LINGO2: variants seen among roughly 807,000 people sequenced by gnomAD.
LINGO2 encodes the protein leucine rich repeat and Ig domain containing 2.
Under a neutral mutation model 30.6 loss-of-function variants are expected in LINGO2, and 14 were observed. The ratio of observed to expected loss-of-function variants is 0.46; its 90% confidence interval spans 0.30 to 0.72. The LOEUF (loss-of-function observed/expected upper bound fraction) is 0.72, where lower values mean the gene tolerates loss of function less well. Ranked by LOEUF, LINGO2 falls within the 30% of genes least tolerant of loss-of-function variation. The pLI, the probability that LINGO2 is intolerant of heterozygous loss-of-function variation, is 0.07. For synonymous variants in LINGO2, 317 were observed against 288.5 expected (o/e 1.10, Z -1.00); for missense variants, 729 against 751.7 (o/e 0.97, Z 0.35).
chr9:28,293,189 T>C (rs1434671697), intron 4 of LINGO2, among the ~76,000 whole-genome samples: 3 of 151,996 alleles, frequency 2.0e-5, no homozygotes, highest in Non-Finnish European at 2.9e-5. Flanking sequence ...CCTCCGACTC[T>C]TGGGCTCAAG....
upstream of LINGO2, among the ~76,000 whole-genome samples, chr9:28,674,754 G>C (rs998746790): frequency 6.6e-6 from 1 of 152,094 alleles, no homozygotes; most frequent in East Asian, 1.9e-4. Context: ...GACAACACAG[G>C]CTTTAACACA....
At chr9:28,312,561 T>G (rs1824671643) in intron 3 of LINGO2, among the ~76,000 whole-genome samples, 1 of 152,176 alleles carries the variant, frequency 6.6e-6, no homozygotes, top group Non-Finnish European at 1.5e-5. Context: ...GAGTACTGTG[T>G]AGTATCATAA....
At chr9:29,183,814 G>A in the LINGO2 span, among the ~76,000 whole-genome samples, 2 of 151,634 alleles carry the variant, frequency 1.3e-5, no homozygotes, top group South Asian at 4.2e-4. Flanking sequence ...ACAGAGAATA[G>A]CTGTTTGAGA....
At chr9:28,242,515 G>A (rs1821836754) in intron 4 of LINGO2, among the ~76,000 whole-genome samples, 1 of 152,158 alleles carries the variant, frequency 6.6e-6, no homozygotes, top group South Asian at 2.1e-4. Flanking sequence ...ACCTGAAAGA[G>A]ACAGGGTGAA....
the LINGO2 span, among the ~76,000 whole-genome samples, chr9:28,996,725 G>T: frequency 1.1e-3 from 165 of 152,272 alleles, no homozygotes; most frequent in African/African-American, 3.9e-3. Context: ...GAAGGGATTT[G>T]TAATGACCAT....
chr9:28,945,839 G>A, the LINGO2 span, among the ~76,000 whole-genome samples: 1 of 152,098 alleles, frequency 6.6e-6, no homozygotes, highest in Admixed American at 6.6e-5. Context: ...AAGATCTATT[G>A]CTTCTGGCAT....
rs112602549 is a variant in LINGO2 at position 28,524,645 on chromosome 9, C to T, written c.-364-48620G>A. On this transcript the variant is annotated intron_variant, in intron 1 of 5. Transcript: ENST00000379992. ...GTGTGCACCTGTAATCCCAGCTACT[C>T]GGGAGGCTAAGGCAGGAGAATCGCC... Among the ~76,000 whole-genome samples the T allele has an allele frequency of 7.1e-3, 1,077 of 152,092 alleles. 17 individuals are homozygous for T. The highest frequency in any genetic ancestry group is 0.024 in the African/African-American group (1,004 of 41,490).
chr9:29,087,022 C>T, the LINGO2 span, among the ~76,000 whole-genome samples: 1 of 151,810 alleles, frequency 6.6e-6, no homozygotes, highest in Non-Finnish European at 1.5e-5. Flanking sequence ...ATTGCAGGTG[C>T]CTGCCACCAC....
At chr9:28,650,613 T>C (rs943100220) in intron 1 of LINGO2, among the ~76,000 whole-genome samples, 2 of 152,170 alleles carry the variant, frequency 1.3e-5, no homozygotes, top group Admixed American at 1.3e-4. Context: ...CTGACCTCTC[T>C]GACGTCCTGT....
chr9:28,152,669 T>C (rs2133561914), intron 4 of LINGO2, among the ~76,000 whole-genome samples: 1 of 152,256 alleles, frequency 6.6e-6, no homozygotes, highest in South Asian at 2.1e-4. Flanking sequence ...ACTGGAAGCT[T>C]TTTGAAACAA....
In LINGO2 at chr9:28,148,536, C is replaced by G. The variant is rs1019663631; in HGVS notation, c.-86-136131G>C. ...AGGGGCCCCTGTAGCAATGGGGAAG[C>G]AGCTTCCACCTCTAGGCCCCTGGAG... is the stretch of plus-strand genomic sequence containing the variant. On this transcript the variant is annotated intron_variant, in intron 4 of 5. Coordinates refer to ENST00000379992, the Ensembl canonical transcript of LINGO2. The surrounding 1 kb of genome is among the most constrained non-coding windows in gnomAD (Gnocchi z 5.1). 5.4e-6 allele frequency: 8 copies of G among 1,480,860 alleles called. No homozygotes were observed. The highest frequency in any genetic ancestry group is 4.8e-5 in the South Asian group (4 of 82,810). The allele number at this position is 1,480,860 out of a possible 1,614,324, so 91.7% of individuals were successfully genotyped here.
rs1337117529 is a variant in LINGO2, at chr9:28,670,204, T to C, written c.-369A>G. 6 of 152,240 alleles carry C rather than the reference T, an allele frequency of 3.9e-5. No individual in the cohort carries two copies. The highest frequency in any genetic ancestry group is 1.9e-4 in the East Asian group (1 of 5,188). The allele number at this position is 152,240 out of a possible 1,614,324, so 9.4% of individuals were successfully genotyped here. On this transcript the variant is annotated 5_prime_UTR_variant, in exon 1 of 6. The change abolishes an upstream ATG in the 5' untranslated region. Transcript: ENST00000379992. ...TGAAATAAATTTGGCATTTACCTCA[T>C]GTGATTAAAAATCCACTGGACACTT... is the stretch of plus-strand genomic sequence containing the variant.
chr9:28,102,024 G>A (rs1321821884), intron 4 of LINGO2, among the ~76,000 whole-genome samples: 1 of 151,866 alleles, frequency 6.6e-6, no homozygotes, highest in Non-Finnish European at 1.5e-5. Context: ...CATCAGCTTT[G>A]CCTCCAACTC....
At chr9:28,168,686 G>A (rs549505117) in intron 4 of LINGO2, among the ~76,000 whole-genome samples, 51 of 152,352 alleles carry the variant, frequency 3.3e-4, no homozygotes, top group South Asian at 3.3e-3. Context: ...TGCTCTAAAG[G>A]TACATGCAAA....
chr9:28,748,333 T>C, the LINGO2 span, among the ~76,000 whole-genome samples: 1 of 151,956 alleles, frequency 6.6e-6, no homozygotes, highest in Non-Finnish European at 1.5e-5. Context: ...AATTAATAAA[T>C]TATAATGATA....
the LINGO2 span, among the ~76,000 whole-genome samples, chr9:28,754,019 C>A: frequency 6.1e-5 from 1 of 16,364 alleles, no homozygotes; most frequent in Non-Finnish European, 6.4e-4. Flanking sequence ...CACACACAAA[C>A]ACACACACAC....
intron 1 of LINGO2, among the ~76,000 whole-genome samples, chr9:28,635,188 C>T (rs73443395): frequency 2.6e-5 from 4 of 152,182 alleles, no homozygotes; most frequent in African/African-American, 9.6e-5. Context: ...TTATTCTACA[C>T]CTGTTGGATT....
intron 4 of LINGO2, among the ~76,000 whole-genome samples, chr9:28,181,751 G>A (rs1288017135): frequency 6.6e-6 from 1 of 152,126 alleles, no homozygotes; most frequent in Non-Finnish European, 1.5e-5. Flanking sequence ...GTGAGTTAGT[G>A]TGTATAGAAA....
the LINGO2 span, among the ~76,000 whole-genome samples, chr9:28,849,160 C>T: frequency 6.6e-6 from 1 of 151,980 alleles, no homozygotes; most frequent in African/African-American, 2.4e-5. Context: ...TGGTAAAAGA[C>T]ATTTCTTACG....
Sources: gnomAD v4.1 joint callset for allele counts (sites outside exome capture counted in the v4.1 genomes callset) on GRCh38, gnomAD v4.1.1 for gene constraint, Gnocchi (gnomAD v3.1) non-coding constraint, MANE v1.5 for transcripts, NCBI Gene and HGNC (gene_info 2026-07-23, HGNC 2026-07-21) for gene names.